Variants in ACSS2 observed in about 807,000 individuals in gnomAD.
ACSS2 encodes the protein acetyl-coenzyme A synthetase, cytoplasmic.
Under a neutral mutation model 90.6 loss-of-function variants are expected in ACSS2, and 58 were observed. That is an observed-to-expected ratio of 0.64 (90% CI 0.52 to 0.80). ACSS2 has a LOEUF of 0.80. Ranked by LOEUF, ACSS2 falls within the 30% of genes least tolerant of loss-of-function variation. The pLI is 0.00. For missense variants in ACSS2, 759 were observed against 912.0 expected (o/e 0.83, Z 2.16); for synonymous variants, 300 against 330.9 (o/e 0.91, Z 1.01).
intron 15 of ACSS2, 60 bp downstream of exon 15, chr20:34,925,826 C>T (rs1231185555): frequency 1.7e-5 from 27 of 1,560,682 alleles, no homozygotes; most frequent in East Asian, 2.3e-5. Flanking sequence ...AACACCCAGC[C>T]GAAGCCTTCC....
Position 34,907,127 on chromosome 20 carries a change from T to G in ACSS2, c.375-5969T>G, listed in dbSNP as rs995224369. Among the ~76,000 whole-genome samples, 165 of 144,916 alleles carry G rather than the reference T, an allele frequency of 1.1e-3. 2 individuals carry two copies. The highest frequency in any genetic ancestry group is 4.0e-4 in the Admixed American group (6 of 14,848). ...ATGAAAAAAATAAAACAGAATGTGT[T>G]TTTTTTTTTTGAGACAGTCTTGCCC... On this transcript the variant is annotated intron_variant, in intron 2 of 17. Coordinates refer to ENST00000360596, the MANE Select transcript of ACSS2 (RefSeq NM_018677.4).
intron 2 of ACSS2, among the ~76,000 whole-genome samples, chr20:34,897,227 C>A (rs1474402208): frequency 1.3e-5 from 2 of 151,804 alleles, no homozygotes; most frequent in Non-Finnish European, 1.5e-5. Flanking sequence ...TAATTTATAC[C>A]ATATAATTCA....
chr20:34,910,653 C>T (rs1216598513), intron 2 of ACSS2, among the ~76,000 whole-genome samples: 3 of 152,154 alleles, frequency 2.0e-5, no homozygotes, highest in African/African-American at 7.2e-5. Flanking sequence ...GACCCTGTCT[C>T]TAAAAAACAA....
chr20:34,906,982 TCA>T (rs2080822500), intron 2 of ACSS2, among the ~76,000 whole-genome samples: 1 of 58,198 alleles, frequency 1.7e-5, no homozygotes, highest in African/African-American at 1.3e-4. Flanking sequence ...AGACTCCATC[TCA>T]AAAAAAAAAA....
chr20:34,919,576 A>AGTGTGTGTGTGTGT lies in ACSS2; in HGVS notation c.972+35_972+48dup, dbSNP rs59343003. ...TGGCTCCACAGGCAAACCCAAGGCA[A>AGTGTGTGTGTGTGT]GTGTGTGTGTGTGTGTGTGTGTGTG... On this transcript the variant is annotated splice_donor_region_variant and intron_variant, in intron 8 of 17. Coordinates refer to ENST00000360596, the MANE Select transcript of ACSS2 (RefSeq NM_018677.4). The AGTGTGTGTGTGTGT allele has an allele frequency of 7.5e-6, 11 of 1,475,108 alleles. No homozygotes were observed. The highest frequency in any genetic ancestry group is 2.4e-4 in the Middle Eastern group (1 of 4,096). The allele number at this position is 1,475,108 out of a possible 1,614,324, so 91.4% of individuals were successfully genotyped here.
chr20:34,891,550 G>T (rs1419973169), intron 2 of ACSS2, among the ~76,000 whole-genome samples: 1 of 152,148 alleles, frequency 6.6e-6, no homozygotes, highest in Non-Finnish European at 1.5e-5. Context: ...TAGAAGGTTT[G>T]GAATGAAGGG....
At chr20:34,915,333 G>A (rs1459548402) in intron 7 of ACSS2, 2 of 1,584,098 alleles carry the variant, frequency 1.3e-6, no homozygotes, top group East Asian at 2.2e-5. Context: ...TTGCCTGTTT[G>A]CCCCATTGAG....
chr20:34,889,254 C>T (rs2080273933), intron 2 of ACSS2, among the ~76,000 whole-genome samples: 1 of 151,812 alleles, frequency 6.6e-6, no homozygotes, highest in African/African-American at 2.4e-5. Flanking sequence ...TCCCGAGCAG[C>T]TGGTACTACA....
At chr20:34,923,223 C>T in intron 13 of ACSS2, 100 bp from the exon 14 acceptor site, 2 of 867,574 alleles carry the variant, frequency 2.3e-6, no homozygotes, top group South Asian at 1.5e-5. Flanking sequence ...AAAGCCTGTA[C>T]TTCATTCAGG....
At chr20:34,906,334 C>CAA (rs34277751) in intron 2 of ACSS2, among the ~76,000 whole-genome samples, 3,518 of 75,776 alleles carry the variant, frequency 0.046, 197 homozygotes, top group African/African-American at 0.13. Flanking sequence ...GACTCCGTCT[C>CAA]AAAAAAAAAA....
intron 7 of ACSS2, 100 bp from the exon 8 acceptor site, chr20:34,919,335 C>A (rs2081142328): frequency 1.3e-6 from 2 of 1,551,202 alleles, no homozygotes; most frequent in Non-Finnish European, 1.8e-6. Flanking sequence ...TCCTGTACTC[C>A]TACCTGCCTG....
At chr20:34,886,034 A>G (rs770771431) in intron 2 of ACSS2, among the ~76,000 whole-genome samples, 11 of 151,648 alleles carry the variant, frequency 7.3e-5, no homozygotes, top group Non-Finnish European at 1.5e-4. Flanking sequence ...ATTTTATTAT[A>G]AGAAAGTAAA....
intron 2 of ACSS2, chr20:34,909,083 C>T: frequency 2.9e-6 from 1 of 342,974 alleles, no homozygotes; most frequent in Non-Finnish European, 5.6e-6. Flanking sequence ...CCGTGGCTCA[C>T]ACCTGTAATC....
At chr20:34,913,919 A>C in intron 5 of ACSS2, 94 bp downstream of exon 5, 1 of 1,425,752 alleles carries the variant, frequency 7.0e-7, no homozygotes, top group South Asian at 1.1e-5. Flanking sequence ...CTCAGCATAG[A>C]GGGTAGAGAC....
At position 34,881,649 on chromosome 20, in the gene ACSS2, G is replaced by A. The variant is rs532189835; in HGVS notation, c.179-1145G>A. 3.3e-5 allele frequency among the ~76,000 whole-genome samples: 5 copies of A among 152,106 alleles called. No individual in the cohort carries two copies. In the South Asian group the frequency reaches 1.0e-3, roughly 32 times the overall value. On this transcript the variant is annotated intron_variant, in intron 1 of 17. Coordinates refer to ENST00000360596, the MANE Select transcript of ACSS2 (RefSeq NM_018677.4). ...TGCCCTTGGTCTCTTTTTTTCATAT[G>A]GGAGTGGAGAAAAACTTCTATTCAT...
chr20:34,887,104 C>G (rs1309802169), intron 2 of ACSS2, among the ~76,000 whole-genome samples: 1 of 152,210 alleles, frequency 6.6e-6, no homozygotes, highest in Non-Finnish European at 1.5e-5. Context: ...ATTTTTAGAA[C>G]TTGAAGTGAC....
At chr20:34,910,142 C>G (rs1446606396) in intron 2 of ACSS2, among the ~76,000 whole-genome samples, 1 of 152,046 alleles carries the variant, frequency 6.6e-6, no homozygotes, top group Non-Finnish European at 1.5e-5. Context: ...CTGCTTCAGC[C>G]TCCTGTAAAA....
chr20:34,912,908 G>T (rs1418109730), intron 2 of ACSS2, among the ~76,000 whole-genome samples, 188 bp from the exon 3 acceptor site: 2 of 152,196 alleles, frequency 1.3e-5, no homozygotes, highest in Non-Finnish European at 2.9e-5. Context: ...AAAATATCTT[G>T]AATGGCCAAA....
intron 2 of ACSS2, among the ~76,000 whole-genome samples, chr20:34,886,826 C>T (rs527695440): frequency 2.0e-5 from 3 of 152,202 alleles, no homozygotes; most frequent in South Asian, 2.1e-4. Context: ...TTCTGTGATT[C>T]GCTCCAATTG....
Sources: allele counts gnomAD v4.1 joint callset (sites outside exome capture counted in the v4.1 genomes callset), GRCh38; gene constraint gnomAD v4.1.1; transcripts MANE v1.5; gene names NCBI Gene and HGNC (gene_info 2026-07-23, HGNC 2026-07-21).